Variants in SNAP91 observed in about 807,000 individuals in gnomAD.
The protein encoded by SNAP91 is synaptosome associated protein 91.
Under a neutral mutation model 100.3 loss-of-function variants are expected in SNAP91, and 27 were observed. That is an observed-to-expected ratio of 0.27 (90% CI 0.20 to 0.37). The LOEUF is 0.37. Among genes scored for constraint, SNAP91 ranks in the 10% least tolerant of loss-of-function variants. SNAP91 has a pLI of 1.00. For synonymous variants in SNAP91, 404 were observed against 398.6 expected (o/e 1.01, Z -0.16); for missense variants, 986 against 1,123.7 (o/e 0.88, Z 1.75).
intron 8 of SNAP91, among the ~76,000 whole-genome samples, chr6:83,632,611 T>G (rs953971637): frequency 5.9e-5 from 9 of 152,330 alleles, no homozygotes; most frequent in African/African-American, 2.2e-4. Flanking sequence ...TTTGCTAGAT[T>G]GGGTTAATTT....
chr6:83,564,401 G>A (rs1793612383), intron 26 of SNAP91, among the ~76,000 whole-genome samples: 1 of 150,310 alleles, frequency 6.7e-6, no homozygotes, highest in African/African-American at 2.4e-5. Context: ...GCAGTGGCAT[G>A]ATCATGGCTC....
At chr6:83,614,607 ATT>A (rs1416772337) in intron 11 of SNAP91, among the ~76,000 whole-genome samples, 2 of 152,252 alleles carry the variant, frequency 1.3e-5, no homozygotes, top group South Asian at 2.1e-4. Context: ...TGAGGAATAT[ATT>A]AATATAAATA....
chr6:83,655,877 A>AC (rs2098392201), intron 7 of SNAP91, among the ~76,000 whole-genome samples: 2 of 152,232 alleles, frequency 1.3e-5, no homozygotes, highest in Admixed American at 1.3e-4. Context: ...GTTCCCTATC[A>AC]CCAGCTGACT....
chr6:83,596,039 C>T (rs780948239), intron 16 of SNAP91, among the ~76,000 whole-genome samples: 1 of 152,108 alleles, frequency 6.6e-6, no homozygotes, highest in African/African-American at 2.4e-5. Context: ...CTTTGTTATA[C>T]TGAGGAAATA....
intron 8 of SNAP91, among the ~76,000 whole-genome samples, chr6:83,628,337 G>C (rs1439907315): frequency 3.3e-5 from 5 of 150,684 alleles, no homozygotes; most frequent in African/African-American, 1.2e-4. Flanking sequence ...AAACATGTGT[G>C]TGCAAGTATG....
At chr6:83,708,026 G>A in intron 1 of SNAP91, 69 bp from the exon 2 acceptor site, 1 of 1,351,782 alleles carries the variant, frequency 7.4e-7, no homozygotes, top group Non-Finnish European at 9.6e-7. Context: ...CCCAGGCCTT[G>A]CCTCCTCCAG....
At chr6:83,572,537 C>T (rs1810109038) in intron 26 of SNAP91, among the ~76,000 whole-genome samples, 1 of 152,142 alleles carries the variant, frequency 6.6e-6, no homozygotes, top group Non-Finnish European at 1.5e-5. Flanking sequence ...CAGGCATGAG[C>T]CACCGTGCCC....
chr6:83,701,142 C>T (rs192575162), intron 2 of SNAP91, among the ~76,000 whole-genome samples: 67 of 137,686 alleles, frequency 4.9e-4, no homozygotes, highest in Admixed American at 7.0e-4. Flanking sequence ...AAAGAAAAAG[C>T]AAAGAATGAC....
chr6:83,566,501 T>A (rs188192404), intron 26 of SNAP91, among the ~76,000 whole-genome samples: 6 of 152,274 alleles, frequency 3.9e-5, no homozygotes, highest in Non-Finnish European at 8.8e-5. Flanking sequence ...CTTCAGGCTA[T>A]GAAAGAGAAA....
chr6:83,681,051 A>C (rs145581105), intron 2 of SNAP91, among the ~76,000 whole-genome samples: 228 of 152,314 alleles, frequency 1.5e-3, no homozygotes, highest in African/African-American at 5.1e-3. Context: ...TTTACAGAAA[A>C]GGGACTCTCA....
chr6:83,629,398 A>G (rs2097112542), intron 8 of SNAP91, among the ~76,000 whole-genome samples: 1 of 152,020 alleles, frequency 6.6e-6, no homozygotes, highest in African/African-American at 2.4e-5. Context: ...AATTCTGTGA[A>G]GAATAGTGAA....
chr6:83,558,041 T>G (rs1378921338), intron 28 of SNAP91, among the ~76,000 whole-genome samples: 1 of 152,070 alleles, frequency 6.6e-6, no homozygotes. Context: ...AAACAATGTA[T>G]TCCCATCATA....
chr6:83,617,547 T>C (rs921154435), intron 9 of SNAP91, among the ~76,000 whole-genome samples: 2 of 151,642 alleles, frequency 1.3e-5, no homozygotes, highest in Non-Finnish European at 3.0e-5. Flanking sequence ...GAAAAGAATA[T>C]AATTCTAATA....
intron 6 of SNAP91, among the ~76,000 whole-genome samples, chr6:83,657,870 G>A (rs1053609643): frequency 1.1e-4 from 16 of 148,574 alleles, no homozygotes; most frequent in Non-Finnish European, 2.2e-4. Flanking sequence ...AGGTTCAAGC[G>A]ATCCTCCCAC....
At chr6:83,703,459 G>A (rs2099345150) in intron 2 of SNAP91, among the ~76,000 whole-genome samples, 1 of 152,070 alleles carries the variant, frequency 6.6e-6, no homozygotes, top group Admixed American at 6.6e-5. Context: ...TTTATGCAAA[G>A]AAAACTCACT....
chr6:83,653,400 T>C (rs1366797037), intron 7 of SNAP91, among the ~76,000 whole-genome samples: 1 of 152,200 alleles, frequency 6.6e-6, no homozygotes, highest in African/African-American at 2.4e-5. Context: ...TTAAAGATTG[T>C]TTCCTCAGCC....
intron 2 of SNAP91, among the ~76,000 whole-genome samples, chr6:83,701,331 A>C (rs913261720): frequency 6.6e-6 from 1 of 152,210 alleles, no homozygotes; most frequent in Non-Finnish European, 1.5e-5. Flanking sequence ...TAAAATAAAA[A>C]ATGCTAAGCC....
At chr6:83,708,299 A>G in intron 1 of SNAP91, 1 of 206,738 alleles carries the variant, frequency 4.8e-6, no homozygotes, top group South Asian at 1.0e-4. Flanking sequence ...CGGGTGCTGG[A>G]CTAGCCACAA....
Position 83,628,222 on chromosome 6 carries a change from C to CATATAT in SNAP91, c.766-4886_766-4881dup, listed in dbSNP as rs57893971. The stretch of plus-strand genomic sequence containing the variant: ...TATAGCTAAGTAATATTCCATTTTA[C>CATATAT]ATATATATATATATATATATATATC... On this transcript the variant is annotated intron_variant, in intron 8 of 29. Transcript: ENST00000369694. 3.4e-3 allele frequency among the ~76,000 whole-genome samples: 427 copies of CATATAT among 124,696 alleles called. 11 individuals are homozygous for CATATAT. Among genetic ancestry groups the CATATAT allele is most frequent in the African/African-American group, 6.2e-3 (208 of 33,552 alleles). The allele number at this position is 124,696 out of a possible 152,430, so 81.8% of individuals were successfully genotyped here. A position where few individuals can be genotyped will look rare whatever the true frequency, so the allele number is the denominator to read the frequency against.
Sources: gnomAD v4.1 joint callset for allele counts (sites outside exome capture counted in the v4.1 genomes callset) on GRCh38, gnomAD v4.1.1 for gene constraint, MANE v1.5 for transcripts, NCBI Gene and HGNC (gene_info 2026-07-23, HGNC 2026-07-21) for gene names.